The following RBFOX1 variants were observed in gnomAD, a reference collection of about 807,000 sequenced individuals.
RBFOX1 encodes RNA binding fox-1 homolog 1.
Under a neutral mutation model 57.7 loss-of-function variants are expected in RBFOX1, and 8 were observed. That is an observed-to-expected ratio of 0.14 (90% CI 0.08 to 0.25). The LOEUF (loss-of-function observed/expected upper bound fraction) is 0.25. Among genes scored for constraint, RBFOX1 ranks in the 10% least tolerant of loss-of-function variants. The pLI is 1.00. For missense variants in RBFOX1, 611 were observed against 548.5 expected, an observed-to-expected ratio of 1.11 and a Z score of -1.14; for synonymous variants, 326 against 222.4, an observed-to-expected ratio of 1.47 and a Z score of -4.15.
At chr16:5,519,258 T>C (rs1244315362) in intron 2 of RBFOX1, among the ~76,000 whole-genome samples, 1 of 152,224 alleles carries the variant, frequency 6.6e-6, no homozygotes, top group African/African-American at 2.4e-5. Context: ...CAGCAGTTCA[T>C]GAGTAGAATA....
At chr16:7,441,529 A>G (rs2098766794) in intron 4 of RBFOX1, among the ~76,000 whole-genome samples, 1 of 151,920 alleles carries the variant, frequency 6.6e-6, no homozygotes, top group African/African-American at 2.4e-5. Flanking sequence ...TCCTACTATA[A>G]TATCTTTTTC....
intron 14 of RBFOX1, among the ~76,000 whole-genome samples, chr16:7,700,127 A>G (rs572765011): frequency 2.0e-4 from 31 of 152,216 alleles, no homozygotes; most frequent in East Asian, 3.9e-4. Flanking sequence ...ATGCCAGTAC[A>G]TAAGACTTTG....
At chr16:6,666,521 C>G (rs950135281) in intron 3 of RBFOX1, among the ~76,000 whole-genome samples, 1 of 130,600 alleles carries the variant, frequency 7.7e-6, no homozygotes, top group South Asian at 2.4e-4. Flanking sequence ...GCCTGGGTGA[C>G]AGAGTAAGAC....
chr16:6,676,672 TC>T (rs373858953), intron 3 of RBFOX1, among the ~76,000 whole-genome samples: 49 of 131,202 alleles, frequency 3.7e-4, no homozygotes, highest in African/African-American at 1.0e-3. Context: ...GTTTTTCTTT[TC>T]TTTTTTTTTT....
chr16:5,669,392 G>C (rs1168228060), intron 3 of RBFOX1, among the ~76,000 whole-genome samples: 2 of 149,214 alleles, frequency 1.3e-5, no homozygotes, highest in Admixed American at 6.7e-5. Flanking sequence ...CCGTAGAGCA[G>C]TCCTGCCAAA....
chr16:7,593,972 AC>A (rs1166720241), intron 7 of RBFOX1, among the ~76,000 whole-genome samples: 3 of 152,048 alleles, frequency 2.0e-5, no homozygotes, highest in African/African-American at 7.2e-5. Flanking sequence ...ATTGCACAAT[AC>A]TTTTTTTGTT....
chr16:6,650,445 A>G (rs2098577568), intron 2 of RBFOX1, among the ~76,000 whole-genome samples: 1 of 152,182 alleles, frequency 6.6e-6, no homozygotes, highest in African/African-American at 2.4e-5. Context: ...CTGGTTACAG[A>G]TTTAAGCTCC....
At chr16:7,289,592 C>T (rs1428817994) in intron 4 of RBFOX1, among the ~76,000 whole-genome samples, 1 of 151,986 alleles carries the variant, frequency 6.6e-6, no homozygotes, top group African/African-American at 2.4e-5. Flanking sequence ...ATCATTACTA[C>T]CATCACTTTC....
At chr16:6,141,194 G>A (rs9935680) in intron 1 of RBFOX1, among the ~76,000 whole-genome samples, 15,806 of 152,146 alleles carry the variant, frequency 0.1, 1,388 homozygotes, top group African/African-American at 0.23. Context: ...CACCATGGCC[G>A]CTGCTTTTGG....
chr16:6,883,926 G>A (rs774874495), intron 3 of RBFOX1, among the ~76,000 whole-genome samples: 6 of 152,092 alleles, frequency 3.9e-5, no homozygotes, highest in Admixed American at 2.0e-4. Context: ...CTTTACCCCA[G>A]GTACAAATGA....
chr16:6,929,849 T>C (rs1289720526), intron 3 of RBFOX1, among the ~76,000 whole-genome samples: 1 of 152,176 alleles, frequency 6.6e-6, no homozygotes, highest in Non-Finnish European at 1.5e-5. Context: ...TTAAATCTCT[T>C]TTCATCCTGA....
intron 3 of RBFOX1, among the ~76,000 whole-genome samples, chr16:7,026,064 C>T (rs1019450230): frequency 2.0e-5 from 3 of 152,192 alleles, no homozygotes; most frequent in Admixed American, 1.3e-4. Flanking sequence ...AGCGCAGCTG[C>T]TGTGTCCAGG....
chr16:6,813,519 T>G (rs1189146857), intron 3 of RBFOX1, among the ~76,000 whole-genome samples: 1 of 152,154 alleles, frequency 6.6e-6, no homozygotes, highest in Non-Finnish European at 1.5e-5. Context: ...CTATGATCTG[T>G]CACCTGGTCC....
intron 4 of RBFOX1, among the ~76,000 whole-genome samples, chr16:7,087,099 C>T (rs978509282): frequency 1.2e-4 from 18 of 152,170 alleles, no homozygotes; most frequent in African/African-American, 4.3e-4. Context: ...AGTAATGAGT[C>T]TGGGGAGGCC....
intron 3 of RBFOX1, among the ~76,000 whole-genome samples, chr16:6,766,102 C>G (rs1253322583): frequency 6.6e-6 from 1 of 151,674 alleles, no homozygotes; most frequent in East Asian, 2.0e-4. Flanking sequence ...GTAACCAAAA[C>G]TAACCTGTAA....
At chr16:6,797,250 T>C (rs1490325911) in intron 3 of RBFOX1, among the ~76,000 whole-genome samples, 1 of 152,150 alleles carries the variant, frequency 6.6e-6, no homozygotes, top group African/African-American at 2.4e-5. Flanking sequence ...GATATTGTTA[T>C]TCCCCCATAA....
chr16:5,804,425 A>C (rs2055162338), intron 3 of RBFOX1, among the ~76,000 whole-genome samples: 1 of 152,198 alleles, frequency 6.6e-6, no homozygotes, highest in African/African-American at 2.4e-5. Flanking sequence ...GAAATATCAA[A>C]AGAAAACAAG....
intron 4 of RBFOX1, among the ~76,000 whole-genome samples, chr16:5,923,018 A>G (rs1443500323): frequency 6.6e-6 from 1 of 152,124 alleles, no homozygotes; most frequent in Non-Finnish European, 1.5e-5. Context: ...CTCAACCCCC[A>G]TGCCTCTTCC....
chr16:7,372,504 G>T (rs1231294111), intron 4 of RBFOX1, among the ~76,000 whole-genome samples: 8 of 152,156 alleles, frequency 5.3e-5, no homozygotes, highest in Non-Finnish European at 1.0e-4. Flanking sequence ...AGAAAGAGAG[G>T]TCACATCTTC....
Sources: allele counts gnomAD v4.1 joint callset (sites outside exome capture counted in the v4.1 genomes callset), GRCh38; gene constraint gnomAD v4.1.1; transcripts MANE v1.5; gene names NCBI Gene and HGNC (gene_info 2026-07-23, HGNC 2026-07-21).